The following ATP8B1 variants were observed in gnomAD, a reference collection of about 807,000 sequenced individuals.
ATP8B1 encodes phospholipid-transporting ATPase IC.
Under a neutral mutation model 149.9 loss-of-function variants are expected in ATP8B1, and 80 were observed. The ratio of observed to expected loss-of-function variants is 0.53; its 90% CI spans 0.45 to 0.64. The LOEUF is 0.64. ATP8B1 is among the 30% of genes least tolerant of loss of function. ATP8B1 has a pLI of 0.00. For synonymous variants in ATP8B1, 536 were observed against 562.8 expected, an observed-to-expected ratio of 0.95 and a Z score of 0.67; for missense variants, 1,247 against 1,552.6, an observed-to-expected ratio of 0.80 and a Z score of 3.31.
In ATP8B1 at chr18:57,802,374, G is replaced by T. The variant is rs1020311557; in HGVS notation, c.-26+624C>A. Among the ~76,000 whole-genome samples, 5 of 152,078 alleles carry T rather than the reference G, an allele frequency of 3.3e-5. No homozygotes were observed. Among genetic ancestry groups the T allele is most frequent in the Non-Finnish European group, 5.9e-5 (4 of 68,016 alleles). On this transcript the variant is annotated intron_variant, in intron 1 of 27. Transcript: ENST00000648908. This position sits in a 1 kb window ranked among gnomAD's most constrained non-coding sequence, Gnocchi z 4.9. The stretch of plus-strand genomic sequence containing the variant: ...CAGTCACCGGAAAAACAGTGGTGTC[G>T]GTCTTCCCCATCACCTCCCCTCCCC...
At chr18:57,777,734 A>G (rs1042435295) in intron 1 of ATP8B1, among the ~76,000 whole-genome samples, 3 of 152,040 alleles carry the variant, frequency 2.0e-5, no homozygotes, top group Non-Finnish European at 4.4e-5. Context: ...ATGCCCAGCT[A>G]ATTTTTTGTA....
intron 22 of ATP8B1, among the ~76,000 whole-genome samples, chr18:57,658,766 A>G (rs936543906): frequency 2.0e-5 from 3 of 151,972 alleles, no homozygotes; most frequent in African/African-American, 7.3e-5. Flanking sequence ...CTCAGGCTCA[A>G]GTAATCCTTC....
At chr18:57,766,266 A>G (rs181202265) in intron 1 of ATP8B1, among the ~76,000 whole-genome samples, 2 of 152,114 alleles carry the variant, frequency 1.3e-5, no homozygotes, top group Admixed American at 1.3e-4. Flanking sequence ...GCTGGTCTCG[A>G]ACTCCTGACC....
intron 27 of ATP8B1, among the ~76,000 whole-genome samples, chr18:57,649,844 T>C (rs1057085982): frequency 1.3e-5 from 2 of 152,080 alleles, no homozygotes; most frequent in African/African-American, 4.8e-5. Context: ...AGCATCCATA[T>C]GAAGCTAATA....
chr18:57,700,050 C>T (rs181143267), intron 6 of ATP8B1, among the ~76,000 whole-genome samples: 6 of 152,276 alleles, frequency 3.9e-5, no homozygotes, highest in Non-Finnish European at 7.4e-5. Context: ...ACTGGAACAT[C>T]GGATAGAAGA....
rs1404404843 is a variant in ATP8B1 at position 57,697,795 on chromosome 18, T to C, written c.627A>G (p.Pro209=). ...VIRLKKNDFV[P]ADILLLSSSE... is the part of the protein sequence containing the mutation. ...AGAGAAGCAGAATTTGTTCACTTAC[T>C]GGAACAAAATCATTTTTTTTCAGAC... The change falls in exon 7 of 28, where the codon CCA becomes CCG. Residue 209 remains proline, a splice_region_variant and synonymous_variant. Transcript: ENST00000648908. The C allele has an allele frequency of 6.2e-7, 1 of 1,613,680 alleles. No individual in the cohort carries two copies. The highest frequency in any genetic ancestry group is 8.5e-7 in the Non-Finnish European group (1 of 1,179,776).
chr18:57,747,731 C>A (rs1228454737), intron 1 of ATP8B1, among the ~76,000 whole-genome samples: 1 of 152,196 alleles, frequency 6.6e-6, no homozygotes, highest in Non-Finnish European at 1.5e-5. Flanking sequence ...ACATCTAAGA[C>A]TGGTCGACAG....
At chr18:57,785,285 T>C (rs1161328951) in intron 1 of ATP8B1, among the ~76,000 whole-genome samples, 1 of 152,246 alleles carries the variant, frequency 6.6e-6, no homozygotes, top group African/African-American at 2.4e-5. Context: ...ATGTAAATAT[T>C]TCATAGCTCA....
At chr18:57,683,335 CTCTT>C (rs1217702174) in intron 15 of ATP8B1, among the ~76,000 whole-genome samples, 3 of 152,186 alleles carry the variant, frequency 2.0e-5, no homozygotes, top group African/African-American at 7.2e-5. Flanking sequence ...ACTCCTTTTG[CTCTT>C]TCTATAAAGT....
intron 1 of ATP8B1, among the ~76,000 whole-genome samples, chr18:57,756,305 A>ATATACATATATATATATATATATATG (rs1555653786): frequency 2.1e-4 from 22 of 106,098 alleles, no homozygotes; most frequent in African/African-American, 4.6e-4. Context: ...GTGTATGTAT[A>ATATACATATATATATATATATATATG]TATATATATA....
chr18:57,766,243 C>T (rs2080210912), intron 1 of ATP8B1, among the ~76,000 whole-genome samples: 1 of 151,842 alleles, frequency 6.6e-6, no homozygotes, highest in African/African-American at 2.4e-5. Flanking sequence ...CACGGTTTCA[C>T]CATATTGGCC....
Position 57,648,377 on chromosome 18 carries a change from C to G in ATP8B1, c.*111G>C. On this transcript the variant is annotated 3_prime_UTR_variant, in exon 28 of 28. Coordinates refer to ENST00000648908, the MANE Select transcript of ATP8B1 (RefSeq NM_001374385.1). ...GTTTGTTATAAAGATTATTTATTGT[C>G]TTCAATATCTTTGTGATGAATGCAA... 1 of 1,216,492 alleles carries G rather than the reference C, an allele frequency of 8.2e-7. No individual in the cohort carries two copies. Among genetic ancestry groups the G allele is most frequent in the Middle Eastern group, 2.7e-4 (1 of 3,726 alleles). The allele number at this position is 1,216,492 out of a possible 1,614,324, so 75.4% of individuals were successfully genotyped here.
At chr18:57,764,756 T>TAAAAAAAAAAAAA (rs1568061359) in intron 1 of ATP8B1, among the ~76,000 whole-genome samples, 3 of 66,440 alleles carry the variant, frequency 4.5e-5, no homozygotes, top group Non-Finnish European at 2.9e-5. Context: ...CTTTCAGTTG[T>TAAAAAAAAAAAAA]CAAAAAAAAA....
chr18:57,762,369 C>T (rs1257937820), intron 1 of ATP8B1, among the ~76,000 whole-genome samples: 1 of 151,996 alleles, frequency 6.6e-6, no homozygotes, highest in African/African-American at 2.4e-5. Flanking sequence ...GAACTCCTGA[C>T]CTCAAGTGAT....
chr18:57,769,375 G>C (rs1291445981), intron 1 of ATP8B1, among the ~76,000 whole-genome samples: 1 of 152,106 alleles, frequency 6.6e-6, no homozygotes, highest in African/African-American at 2.4e-5. Flanking sequence ...AGTTTCTCTA[G>C]AGCCTTTCTA....
intron 1 of ATP8B1, among the ~76,000 whole-genome samples, chr18:57,779,457 G>C (rs1384910537): frequency 6.6e-6 from 1 of 152,156 alleles, no homozygotes; most frequent in Non-Finnish European, 1.5e-5. Context: ...GCTCCCAGAA[G>C]GGGCAAAAAT....
intron 21 of ATP8B1, 95 bp downstream of exon 21, chr18:57,662,388 T>G: frequency 6.7e-7 from 1 of 1,493,318 alleles, no homozygotes; most frequent in Non-Finnish European, 9.3e-7. Flanking sequence ...AAGAGACTTT[T>G]AGGTTGGCAG....
chr18:57,707,671 G>T (rs1913477060), intron 2 of ATP8B1, among the ~76,000 whole-genome samples: 1 of 151,528 alleles, frequency 6.6e-6, no homozygotes, highest in South Asian at 2.1e-4. Flanking sequence ...ACCACACCCG[G>T]CTAATTTTTG....
At chr18:57,700,761 G>C (rs985860426) in intron 6 of ATP8B1, among the ~76,000 whole-genome samples, 1 of 151,932 alleles carries the variant, frequency 6.6e-6, no homozygotes, top group Non-Finnish European at 1.5e-5. Flanking sequence ...TCTACTAAAA[G>C]TACAAAATTA....
Sources: gnomAD v4.1 joint callset for allele counts (sites outside exome capture counted in the v4.1 genomes callset) on GRCh38, gnomAD v4.1.1 for gene constraint, Gnocchi (gnomAD v3.1) non-coding constraint, MANE v1.5 for transcripts, NCBI Gene and HGNC (gene_info 2026-07-23, HGNC 2026-07-21) for gene names.